Variants in SHLD2 observed in about 807,000 individuals in gnomAD.
SHLD2 encodes shieldin complex subunit 2, also known as RINN1-REV7-interacting novel NHEJ regulator 2.
In SHLD2, 30 loss-of-function variants were observed where a neutral mutation model predicts 73.2. That is an observed-to-expected ratio of 0.41 (90% CI 0.31 to 0.56). The LOEUF (loss-of-function observed/expected upper bound fraction) is 0.56. Ranked by LOEUF, SHLD2 falls within the 20% of genes least tolerant of loss-of-function variation. SHLD2 has a pLI of 0.28. For synonymous variants in SHLD2, 285 were observed against 370.1 expected (o/e 0.77, Z 2.64); for missense variants, 745 against 1,055.9 (o/e 0.71, Z 4.08).
intron 8 of SHLD2, among the ~76,000 whole-genome samples, chr10:87,185,074 C>G (rs1848533631): frequency 6.6e-6 from 1 of 152,152 alleles, no homozygotes; most frequent in Non-Finnish European, 1.5e-5. Context: ...AGCAGTCACT[C>G]TCCATTCCCC....
intron 4 of SHLD2, 36 bp from the exon 5 acceptor site, chr10:87,170,442 C>A: frequency 1.5e-6 from 2 of 1,345,714 alleles, no homozygotes; most frequent in South Asian, 1.5e-5. Flanking sequence ...ATAATGTTGC[C>A]ATCTTTTGTC....
At chr10:87,107,852 CTTTT>C (rs891401874) in intron 2 of SHLD2, among the ~76,000 whole-genome samples, 3 of 148,216 alleles carry the variant, frequency 2.0e-5, no homozygotes, top group Non-Finnish European at 3.0e-5. Flanking sequence ...TTCTTTCTTT[CTTTT>C]TTTTTTATTT....
At chr10:87,154,012 A>G (rs1846198125) in intron 3 of SHLD2, 1 of 152,090 alleles carries the variant, frequency 6.6e-6, no homozygotes, top group Non-Finnish European at 1.5e-5. Flanking sequence ...TTAAATTGTT[A>G]TTTTTAATTT....
At chr10:87,101,917 A>T (rs1842292206) in intron 2 of SHLD2, among the ~76,000 whole-genome samples, 1 of 152,184 alleles carries the variant, frequency 6.6e-6, no homozygotes, top group Non-Finnish European at 1.5e-5. Flanking sequence ...TGTATGCTTC[A>T]ACCTTACTGA....
At position 87,170,545 on chromosome 10, in the gene SHLD2, C is replaced by T. The variant is rs758132082; in HGVS notation, c.1701C>T (p.Tyr567=). 1.2e-6 allele frequency: 2 copies of T among 1,613,436 alleles called. No individual in the cohort carries two copies. The highest frequency in any genetic ancestry group is 2.2e-5 in the South Asian group (2 of 90,950). ...CATATGTGTCCTCAAAACATTCCTACCTCAGAGATCTTCCTCCGAGGCAGC... is the reference window on the plus strand; with the variant it reads ...CATATGTGTCCTCAAAACATTCCTATCTCAGAGATCTTCCTCCGAGGCAGC... ...LLAYVSSKHS[Y]LRDLPPRQPQ... is the part of the protein sequence containing the mutation. Residue 567 remains tyrosine, a synonymous_variant, in exon 5 of 10, where the codon TAC becomes TAT. Transcript: ENST00000298786.
chr10:87,113,939 G>A (rs1270179391), intron 2 of SHLD2: 1 of 152,074 alleles, frequency 6.6e-6, no homozygotes. Flanking sequence ...CCAGGAGGTG[G>A]AGGTTGCAGT....
chr10:87,172,967 A>G (rs1338180774), intron 6 of SHLD2, among the ~76,000 whole-genome samples: 6 of 151,152 alleles, frequency 4.0e-5, no homozygotes, highest in Admixed American at 4.0e-4. Context: ...ATCTGCATTT[A>G]CTTTTAAAAA....
chr10:87,117,005 T>C (rs368235396), intron 2 of SHLD2, among the ~76,000 whole-genome samples: 14 of 152,308 alleles, frequency 9.2e-5, no homozygotes, highest in Admixed American at 2.6e-4. Context: ...GAATTGAAGA[T>C]TGAACGGGAG....
rs1247550878 is a variant in SHLD2 at position 87,170,555 on chromosome 10, C to G, written c.1711C>G (p.Leu571Val). 3 of 1,613,534 alleles carry G rather than the reference C, an allele frequency of 1.9e-6. No individual in the cohort carries two copies. The highest frequency in any genetic ancestry group is 2.2e-5 in the South Asian group (2 of 90,976). ...VSSKHSYLRD[L>V]PPRQPQRVNS... Reference sequence around the variant, plus strand: ...CTCAAAACATTCCTACCTCAGAGATCTTCCTCCGAGGCAGCCTCAGAGGGT... The same window carrying G: ...CTCAAAACATTCCTACCTCAGAGATGTTCCTCCGAGGCAGCCTCAGAGGGT... Residue 571 changes from leucine (L) to valine (V), a missense_variant, in exon 5 of 10, where the codon CTT (leucine) becomes GTT (valine). Physicochemically the swap from Leu to Val is conservative, Grantham distance 32. This residue lies in a region of SHLD2 where 418 missense variants were observed against 567.8 expected (regional missense o/e 0.74). Coordinates refer to ENST00000298786, the MANE Select transcript of SHLD2 (RefSeq NM_001330112.2).
At chr10:87,106,411 A>AT (rs144150564) in intron 2 of SHLD2, among the ~76,000 whole-genome samples, 5,140 of 133,840 alleles carry the variant, frequency 0.038, 227 homozygotes, top group Admixed American at 0.12. Context: ...TTTTAACGCA[A>AT]TTTACAAAAG....
upstream of SHLD2, chr10:87,094,592 G>T (rs753567322): frequency 4.3e-6 from 7 of 1,611,240 alleles, no homozygotes; most frequent in African/African-American, 4.0e-5. This position sits in a 1 kb window ranked among gnomAD's most constrained non-coding sequence, Gnocchi z 6.6. Flanking sequence ...TCGTCCTCGC[G>T]GTCGGCCACC....
At chr10:87,136,982 A>G (rs956249824) in intron 2 of SHLD2, among the ~76,000 whole-genome samples, 1 of 152,214 alleles carries the variant, frequency 6.6e-6, no homozygotes, top group African/African-American at 2.4e-5. Context: ...ACTCCCTTCT[A>G]GTGTCCTAAC....
chr10:87,098,561 A>G (rs1842060081), intron 2 of SHLD2, among the ~76,000 whole-genome samples: 1 of 151,982 alleles, frequency 6.6e-6, no homozygotes, highest in Non-Finnish European at 1.5e-5. Flanking sequence ...AACCAAACAA[A>G]TTGTTGATGA....
At chr10:87,159,332 A>C (rs951303501) in intron 4 of SHLD2, among the ~76,000 whole-genome samples, 8 of 152,198 alleles carry the variant, frequency 5.3e-5, no homozygotes, top group Non-Finnish European at 1.0e-4. Flanking sequence ...ATAGACAACT[A>C]AAATAGAGTT....
At chr10:87,176,641 C>G (rs1034780116) in intron 7 of SHLD2, among the ~76,000 whole-genome samples, 7 of 152,236 alleles carry the variant, frequency 4.6e-5, no homozygotes, top group Non-Finnish European at 7.3e-5. Context: ...AGCAGAAATT[C>G]AGTTCCTTAC....
At position 87,143,862 on chromosome 10, in the gene SHLD2, C is replaced by CTTT. The variant is rs61651864; in HGVS notation, c.-5-7471_-5-7469dup. 4.5e-3 allele frequency among the ~76,000 whole-genome samples: 472 copies of CTTT among 104,684 alleles called. 8 individuals carry two copies. Among genetic ancestry groups the CTTT allele is most frequent in the African/African-American group, 0.015 (439 of 29,696 alleles). The allele number at this position is 104,684 out of a possible 152,430, so 68.7% of individuals were successfully genotyped here. ...GTTCACCTTATTCTTTTTATTCTTT[C>CTTT]TTTTTTTTTTTTTTTTTTTGTGACG... On this transcript the variant is annotated intron_variant, in intron 2 of 9. Transcript: ENST00000298786.
chr10:87,173,456 A>C (rs181840264), intron 6 of SHLD2, among the ~76,000 whole-genome samples: 136 of 152,026 alleles, frequency 8.9e-4, no homozygotes, highest in Non-Finnish European at 1.4e-3. Flanking sequence ...TTTTATAATT[A>C]AAAATAAAAT....
chr10:87,121,762 C>CTTTTTT (rs571649405), intron 2 of SHLD2, among the ~76,000 whole-genome samples: 1 of 130,970 alleles, frequency 7.6e-6, no homozygotes. Flanking sequence ...TTCTTTCTTT[C>CTTTTTT]TTTTTTTTTT....
Position 87,152,711 on chromosome 10 carries a change from C to T in SHLD2, c.1357C>T (p.His453Tyr). The part of the protein sequence containing the change: ...NCLVMVLSPC[H>Y]VKEINIKFGP... ...TTTAGTCATGGTGCTATCTCCATGCCATGTGAAGGAAATAAACATAAAATT... is the reference window on the plus strand; with the variant it reads ...TTTAGTCATGGTGCTATCTCCATGCTATGTGAAGGAAATAAACATAAAATT... Residue 453 changes from histidine to tyrosine, a missense_variant, in exon 3 of 10, where the codon CAT becomes TAT. Coordinates refer to ENST00000298786, the MANE Select transcript of SHLD2 (RefSeq NM_001330112.2). 1 of 1,611,578 alleles carries T rather than the reference C, an allele frequency of 6.2e-7. No individual in the cohort carries two copies. The highest frequency in any genetic ancestry group is 1.1e-5 in the South Asian group (1 of 90,924).
Sources: allele counts gnomAD v4.1 joint callset (sites outside exome capture counted in the v4.1 genomes callset), GRCh38; gene constraint gnomAD v4.1.1; regional missense constraint gnomAD v4.1.1; non-coding constraint Gnocchi (gnomAD v3.1); transcripts MANE v1.5; gene names NCBI Gene and HGNC (gene_info 2026-07-23, HGNC 2026-07-21).